HTR7: variants seen among roughly 807,000 people sequenced by gnomAD.
The protein encoded by HTR7 is 5-HT-7.
HTR7 carries 16 observed loss-of-function variants against 34.0 expected under a neutral mutation model. The ratio of observed to expected loss-of-function variants is 0.47; its 90% CI spans 0.32 to 0.71. HTR7 has a LOEUF of 0.71. Ranked by LOEUF, HTR7 falls within the 30% of genes least tolerant of loss-of-function variation. HTR7 has a pLI of 0.04. For missense variants in HTR7, 504 were observed against 625.5 expected, an observed-to-expected ratio of 0.81 and a Z score of 2.07; for synonymous variants, 265 against 260.2, an observed-to-expected ratio of 1.02 and a Z score of -0.18.
At position 90,857,997 on chromosome 10, in the gene HTR7, C is replaced by T. The variant is rs796111868; in HGVS notation, c.-326G>A. Among the ~76,000 whole-genome samples the T allele has an allele frequency of 5.3e-5, 8 of 150,480 alleles. No individual in the cohort carries two copies. In the East Asian group the frequency reaches 1.2e-3, roughly 22 times the overall value. On this transcript the variant is annotated 5_prime_UTR_variant, in exon 1 of 4. Transcript: ENST00000336152. The surrounding 1 kb of genome is among the most constrained non-coding windows in gnomAD (Gnocchi z 6.5). ...ACAGTTCGCAGCAGCAGCTCGGCTG[C>T]GCCGAGAGCGCCCGGGCGGCAGCGG...
intron 1 of HTR7, among the ~76,000 whole-genome samples, chr10:90,836,163 C>T (rs1268519165): frequency 6.6e-6 from 1 of 152,120 alleles, no homozygotes; most frequent in East Asian, 1.9e-4. Flanking sequence ...ACACTTTGGC[C>T]CCCATTGCTG....
At chr10:90,788,165 A>T (rs1405787037) in intron 1 of HTR7, among the ~76,000 whole-genome samples, 2 of 152,064 alleles carry the variant, frequency 1.3e-5, no homozygotes, top group Non-Finnish European at 2.9e-5. Context: ...GATTATAGCA[A>T]TTACCTGGGT....
intron 1 of HTR7, among the ~76,000 whole-genome samples, chr10:90,849,888 A>G (rs934225774): frequency 2.0e-5 from 3 of 152,234 alleles, no homozygotes; most frequent in East Asian, 1.9e-4. Flanking sequence ...TGAGACAACC[A>G]GGACTTCAGG....
At chr10:90,831,958 G>A (rs113117071) in intron 1 of HTR7, among the ~76,000 whole-genome samples, 10 of 152,258 alleles carry the variant, frequency 6.6e-5, no homozygotes, top group Admixed American at 2.6e-4. Context: ...GCCGATTGGC[G>A]CATTCACAAA....
chr10:90,815,430 T>C (rs2119985841), intron 1 of HTR7, among the ~76,000 whole-genome samples: 1 of 152,350 alleles, frequency 6.6e-6, no homozygotes, highest in African/African-American at 2.4e-5. Flanking sequence ...TTTACCTAAA[T>C]GTTTATAAAA....
At chr10:90,815,216 T>A (rs1451618645) in intron 1 of HTR7, among the ~76,000 whole-genome samples, 1 of 151,878 alleles carries the variant, frequency 6.6e-6, no homozygotes, top group Admixed American at 6.6e-5. Flanking sequence ...CTCAGCCTCA[T>A]GAGTAGCTGG....
At chr10:90,848,338 G>A (rs555937388) in intron 1 of HTR7, among the ~76,000 whole-genome samples, 2 of 152,114 alleles carry the variant, frequency 1.3e-5, no homozygotes, top group South Asian at 4.2e-4. Flanking sequence ...CTGGCATGCT[G>A]GCATTATAGG....
rs74344012 is a variant in HTR7, at chr10:90,747,311, T to C, written c.1295+1528A>G. 3.0e-3 allele frequency among the ~76,000 whole-genome samples: 455 copies of C among 152,336 alleles called. 4 individuals carry two copies. Among genetic ancestry groups the C allele is most frequent in the African/African-American group, 0.01 (436 of 41,576 alleles). On this transcript the variant is annotated intron_variant, in intron 2 of 3. Transcript: ENST00000336152. ...TCTGATTAAGACATTGTTCCTTCTC[T>C]GAAGGAATTCAAAATCCTAATGGTC...
chr10:90,801,819 A>C (rs1845631541), intron 1 of HTR7, among the ~76,000 whole-genome samples: 1 of 152,222 alleles, frequency 6.6e-6, no homozygotes, highest in Non-Finnish European at 1.5e-5. Flanking sequence ...AGATGGTTAA[A>C]AATCACCGTT....
intron 1 of HTR7, among the ~76,000 whole-genome samples, chr10:90,810,400 C>G (rs369353758): frequency 6.6e-6 from 1 of 152,136 alleles, no homozygotes; most frequent in Non-Finnish European, 1.5e-5. Context: ...ACCCTTACCC[C>G]ACTCAACGCC....
At chr10:90,829,595 T>C (rs1302625624) in intron 1 of HTR7, among the ~76,000 whole-genome samples, 7 of 152,068 alleles carry the variant, frequency 4.6e-5, no homozygotes, top group African/African-American at 1.7e-4. Context: ...GCCACTGTTA[T>C]TCAACACAGT....
At chr10:90,805,206 G>A (rs1424345951) in intron 1 of HTR7, among the ~76,000 whole-genome samples, 2 of 152,140 alleles carry the variant, frequency 1.3e-5, no homozygotes, top group East Asian at 1.9e-4. Flanking sequence ...ACTATAGGGG[G>A]CTACTCATTT....
At chr10:90,842,896 CCTA>C (rs759654044) in intron 1 of HTR7, among the ~76,000 whole-genome samples, 2 of 152,136 alleles carry the variant, frequency 1.3e-5, no homozygotes, top group African/African-American at 2.4e-5. Flanking sequence ...AACTCACCAG[CCTA>C]CTATGTTCTC....
chr10:90,784,736 C>T (rs1486429445), intron 1 of HTR7, among the ~76,000 whole-genome samples: 2 of 152,206 alleles, frequency 1.3e-5, no homozygotes, highest in African/African-American at 4.8e-5. Flanking sequence ...GGAGCCAACA[C>T]ACTCTCTAAG....
At chr10:90,848,118 G>C (rs547236948) in intron 1 of HTR7, among the ~76,000 whole-genome samples, 5 of 138,540 alleles carry the variant, frequency 3.6e-5, no homozygotes, top group South Asian at 2.3e-4. Flanking sequence ...GCCCAAGCTG[G>C]AGTGCAATGG....
intron 1 of HTR7, among the ~76,000 whole-genome samples, chr10:90,831,412 G>T (rs575411164): frequency 6.6e-6 from 1 of 152,140 alleles, no homozygotes; most frequent in East Asian, 1.9e-4. Context: ...TGTTCCTCCC[G>T]GTGGGTTCGT....
chr10:90,741,672 T>C lies in HTR7; in HGVS notation c.*810A>G, dbSNP rs1393596842. On this transcript the variant is annotated 3_prime_UTR_variant, in exon 4 of 4. Coordinates refer to ENST00000336152, the MANE Select transcript of HTR7 (RefSeq NM_019859.4). ...GGGCCCACTGCAGCCTTGTAGAAAATGAGAGTCAAAAACATGCCAATAATC... is the reference window on the plus strand; with the variant it reads ...GGGCCCACTGCAGCCTTGTAGAAAACGAGAGTCAAAAACATGCCAATAATC... The C allele has an allele frequency of 6.6e-6, 1 of 152,508 alleles. No individual in the cohort carries two copies. Among genetic ancestry groups the C allele is most frequent in the Admixed American group, 6.5e-5 (1 of 15,270 alleles). 9.4% of individuals were successfully genotyped at this position (152,508 alleles called of 1,614,324 possible).
intron 1 of HTR7, among the ~76,000 whole-genome samples, chr10:90,754,707 T>C (rs1844806428): frequency 6.6e-6 from 1 of 152,234 alleles, no homozygotes; most frequent in Non-Finnish European, 1.5e-5. Flanking sequence ...AAATTAACTC[T>C]GCTGCCTGTC....
intron 1 of HTR7, among the ~76,000 whole-genome samples, chr10:90,811,832 G>A (rs1589461675): frequency 6.6e-6 from 1 of 151,164 alleles, no homozygotes; most frequent in African/African-American, 2.4e-5. Flanking sequence ...CAGGGTCTGA[G>A]AAGGCCACCG....
Sources: gnomAD v4.1 joint callset for allele counts (sites outside exome capture counted in the v4.1 genomes callset) on GRCh38, gnomAD v4.1.1 for gene constraint, Gnocchi (gnomAD v3.1) non-coding constraint, MANE v1.5 for transcripts, NCBI Gene and HGNC (gene_info 2026-07-23, HGNC 2026-07-21) for gene names.